Variants in PIWIL1 observed in about 807,000 individuals in gnomAD.
PIWIL1 encodes the protein piwi like RNA-mediated gene silencing 1.
In PIWIL1, 73 loss-of-function variants were observed where a neutral mutation model predicts 114.4. The observed-to-expected ratio is 0.64, with a 90% CI of 0.53 to 0.78. PIWIL1 has a LOEUF of 0.78. Ranked by LOEUF, PIWIL1 falls within the 30% of genes least tolerant of loss-of-function variation. The pLI is 0.00. For synonymous variants in PIWIL1, 375 were observed against 369.0 expected, an observed-to-expected ratio of 1.02 and a Z score of -0.19; for missense variants, 723 against 1,063.1, an observed-to-expected ratio of 0.68 and a Z score of 4.45.
the PIWIL1 span, among the ~76,000 whole-genome samples, chr12:130,417,137 A>T: frequency 3.3e-5 from 5 of 152,196 alleles, no homozygotes; most frequent in Non-Finnish European, 5.9e-5. Context: ...TGTATATACC[A>T]TTGGAGGGAA....
intron 4 of PIWIL1, 78 bp from the exon 5 acceptor site, chr12:130,346,292 T>A: frequency 9.0e-7 from 1 of 1,112,846 alleles, no homozygotes; most frequent in Non-Finnish European, 1.3e-6. Flanking sequence ...GAACTGTGCC[T>A]GCCTTGTCAT....
the PIWIL1 span, among the ~76,000 whole-genome samples, chr12:130,401,177 G>A: frequency 4.6e-5 from 7 of 152,072 alleles, no homozygotes; most frequent in South Asian, 2.1e-4. Context: ...GTGCAGTAGC[G>A]TGATCTCGGC....
chr12:130,422,301 T>A, the PIWIL1 span: 2 of 535,560 alleles, frequency 3.7e-6, no homozygotes, highest in African/African-American at 1.9e-5. The surrounding 1 kb of genome is among the most constrained non-coding windows in gnomAD (Gnocchi z 5.2). Context: ...TTCATTTATC[T>A]TGTGCTGTTC....
the PIWIL1 span, chr12:130,397,334 T>G: frequency 2.5e-6 from 1 of 398,918 alleles, no homozygotes; most frequent in Non-Finnish European, 4.4e-6. Flanking sequence ...ATTACATAGA[T>G]TTGGCAGTTG....
chr12:130,377,416 G>A (rs961724926), downstream of PIWIL1, among the ~76,000 whole-genome samples: 8 of 152,156 alleles, frequency 5.3e-5, no homozygotes, highest in African/African-American at 1.2e-4. Flanking sequence ...ATGTCGGTGC[G>A]CACGCAGTTC....
chr12:130,375,277 C>T (rs571173347), downstream of PIWIL1, among the ~76,000 whole-genome samples: 4 of 152,250 alleles, frequency 2.6e-5, no homozygotes, highest in South Asian at 4.2e-4. Flanking sequence ...GAGAAAAGCA[C>T]GCAACCCTGT....
At chr12:130,415,578 G>A in the PIWIL1 span, among the ~76,000 whole-genome samples, 1 of 152,090 alleles carries the variant, frequency 6.6e-6, no homozygotes, top group South Asian at 2.1e-4. Context: ...GAAATAAAAG[G>A]CATCCATATA....
the PIWIL1 span, among the ~76,000 whole-genome samples, chr12:130,404,241 A>G: frequency 2.0e-5 from 3 of 152,204 alleles, no homozygotes. Context: ...TTTCTAAATA[A>G]CAGTGGAATA....
chr12:130,423,318 C>T, the PIWIL1 span, among the ~76,000 whole-genome samples: 14 of 152,280 alleles, frequency 9.2e-5, no homozygotes, highest in South Asian at 4.2e-4. Flanking sequence ...GGGGAGGCTG[C>T]GGGCTGCCGT....
At chr12:130,395,222 T>G in the PIWIL1 span, among the ~76,000 whole-genome samples, 1 of 152,228 alleles carries the variant, frequency 6.6e-6, no homozygotes, top group Non-Finnish European at 1.5e-5. Context: ...ACACTCACAC[T>G]GGTAATGGAG....
chr12:130,419,364 A>C, the PIWIL1 span, among the ~76,000 whole-genome samples: 48,242 of 152,028 alleles, frequency 0.32, 10,656 homozygotes, highest in African/African-American at 0.61. The surrounding 1 kb of genome is among the most constrained non-coding windows in gnomAD (Gnocchi z 4.3). Context: ...TCATGCCTGG[A>C]CGCCTGGGTG....
the PIWIL1 span, among the ~76,000 whole-genome samples, chr12:130,393,743 G>A: frequency 2.0e-5 from 3 of 152,108 alleles, no homozygotes; most frequent in African/African-American, 7.2e-5. Flanking sequence ...TCTCTTTTCA[G>A]TTGGATTCCT....
rs2073325078 is a variant in PIWIL1 at position 130,354,998 on chromosome 12, A to G, written c.1282A>G (p.Ile428Val). ...QREVGRLIDY[I>V]HKNDNVQREL... Reference sequence around the variant, plus strand: ...TGAAGTGGGACGACTCATTGATTACATTCATAAGTAAGTCATTGATTTCAC... The same window carrying G: ...TGAAGTGGGACGACTCATTGATTACGTTCATAAGTAAGTCATTGATTTCAC... Residue 428 changes from isoleucine to valine, a missense_variant, in exon 11 of 21, where the codon ATT becomes GTT. Coordinates refer to ENST00000245255, the MANE Select transcript of PIWIL1 (RefSeq NM_004764.5). 5 of 1,587,498 alleles carry G rather than the reference A, an allele frequency of 3.1e-6. No homozygotes were observed. Among genetic ancestry groups the G allele is most frequent in the Non-Finnish European group, 4.3e-6 (5 of 1,155,942 alleles).
Position 130,362,834 on chromosome 12 carries a change from A to G in PIWIL1, c.2039A>G (p.Gln680Arg), listed in dbSNP as rs1346449115. The G allele has an allele frequency of 6.2e-7, 1 of 1,614,022 alleles. No individual in the cohort carries two copies. The highest frequency in any genetic ancestry group is 8.5e-7 in the Non-Finnish European group (1 of 1,179,932). The part of the protein sequence containing the change: ...ELVDGLKVCL[Q>R]AALRAWNSCN... ...GTAGATGGGCTCAAAGTCTGCCTGC[A>G]AGGTTAGTCACCTGTGGGGTTGCCA... The change falls in exon 17 of 21, where the codon CAA (glutamine) becomes CGA (arginine). Residue 680 changes from glutamine (Q) to arginine (R), a missense_variant and splice_region_variant. Gln to Arg is a conservative substitution (Grantham distance 43). This residue lies in a region of PIWIL1 where 31 missense variants were observed against 30.2 expected (regional missense o/e 1.03). Coordinates refer to ENST00000245255, the MANE Select transcript of PIWIL1 (RefSeq NM_004764.5).
At chr12:130,422,175 C>A in the PIWIL1 span, among the ~76,000 whole-genome samples, 1 of 152,170 alleles carries the variant, frequency 6.6e-6, no homozygotes, top group Non-Finnish European at 1.5e-5. The surrounding 1 kb of genome is among the most constrained non-coding windows in gnomAD (Gnocchi z 5.2). Flanking sequence ...AGGGAGGTGA[C>A]ACAAAGTGGT....
chr12:130,415,544 G>A, the PIWIL1 span, among the ~76,000 whole-genome samples: 1 of 152,214 alleles, frequency 6.6e-6, no homozygotes, highest in African/African-American at 2.4e-5. Flanking sequence ...GAGTGCTATA[G>A]CCAGAGCAGT....
the PIWIL1 span, among the ~76,000 whole-genome samples, chr12:130,400,995 G>C: frequency 6.6e-6 from 1 of 152,246 alleles, no homozygotes; most frequent in Non-Finnish European, 1.5e-5. Flanking sequence ...TGCAGCTGCT[G>C]TTGAAAACAA....
Position 130,355,610 on chromosome 12 carries a change from A to G in PIWIL1, c.1347A>G (p.Leu449=). 1.9e-6 allele frequency: 3 copies of G among 1,614,232 alleles called. No individual in the cohort carries two copies. In the South Asian group the frequency reaches 3.3e-5, roughly 18 times the overall value. Residue 449 remains leucine (L), a synonymous_variant, in exon 12 of 21, where the codon TTA becomes TTG. Coordinates refer to ENST00000245255, the MANE Select transcript of PIWIL1 (RefSeq NM_004764.5). ...RDWGLSFDSN[L]LSFSGRILQT... is the part of the protein sequence containing the mutation. ...GGGGTTTGAGCTTTGATTCCAACTT[A>G]CTGTCCTTCTCAGGAAGAATTTTGC... is the stretch of plus-strand genomic sequence containing the variant.
chr12:130,343,066 A>C lies in PIWIL1; in HGVS notation c.155A>C (p.Gln52Pro), dbSNP rs141316012. ...GGGGAATTATTTGGCCGTGGACGGC[A>C]GAGAGGAACAGCAGGAGGAACAGCC... ...AEGELFGRGRQRGTAGGTAKS... is the reference protein window; with the variant it reads ...AEGELFGRGRPRGTAGGTAKS... Residue 52 changes from glutamine (Q) to proline (P), a missense_variant, in exon 3 of 21, where the codon CAG becomes CCG. This residue lies in a region of PIWIL1 where 91 missense variants were observed against 76.2 expected (regional missense o/e 1.19). Coordinates refer to ENST00000245255, the MANE Select transcript of PIWIL1 (RefSeq NM_004764.5). The C allele has an allele frequency of 1.1e-4, 178 of 1,613,948 alleles. No homozygotes were observed. In the African/African-American group the frequency reaches 2.2e-3, roughly 20 times the overall value.
Sources: gnomAD v4.1 joint callset for allele counts (sites outside exome capture counted in the v4.1 genomes callset) on GRCh38, gnomAD v4.1.1 for gene constraint, gnomAD v4.1.1 regional missense constraint, Gnocchi (gnomAD v3.1) non-coding constraint, MANE v1.5 for transcripts, NCBI Gene and HGNC (gene_info 2026-07-23, HGNC 2026-07-21) for gene names.